Variants in HDGFL2 observed in about 807,000 individuals in gnomAD.
HDGFL2 encodes the protein hepatoma-derived growth factor-related protein 2.
HDGFL2 carries 36 observed loss-of-function variants against 77.1 expected under a neutral mutation model. That is an observed-to-expected ratio of 0.47 (90% CI 0.36 to 0.62). The LOEUF (loss-of-function observed/expected upper bound fraction) is 0.62, where lower values mean the gene tolerates loss of function less well. Among genes scored for constraint, HDGFL2 ranks in the 20% least tolerant of loss-of-function variants. The pLI, the probability that HDGFL2 is intolerant of heterozygous loss-of-function variation, is 0.00. For missense variants in HDGFL2, 976 were observed against 973.4 expected, an observed-to-expected ratio of 1.00 and a Z score of -0.04; for synonymous variants, 463 against 413.1, an observed-to-expected ratio of 1.12 and a Z score of -1.46.
At position 4,498,295 on chromosome 19, in the gene HDGFL2, T is replaced by C. The variant is rs767159013; in HGVS notation, c.1403-11T>C. ...GCCTGGGCCCACACGGTGCTCTCTCTCCTGGCCCAGAGCCCTCCGTGGAGG... is the reference window on the plus strand; with the variant it reads ...GCCTGGGCCCACACGGTGCTCTCTCCCCTGGCCCAGAGCCCTCCGTGGAGG... On this transcript the variant is annotated splice_polypyrimidine_tract_variant and intron_variant, in intron 11 of 15. Coordinates refer to ENST00000616600, the MANE Select transcript of HDGFL2 (RefSeq NM_001001520.3). The C allele has an allele frequency of 6.2e-7, 1 of 1,612,030 alleles. No individual in the cohort carries two copies. Among genetic ancestry groups the C allele is most frequent in the East Asian group, 2.2e-5 (1 of 44,874 alleles).
chr19:4,483,717 T>A (rs1405790840), intron 3 of HDGFL2, among the ~76,000 whole-genome samples: 2 of 151,454 alleles, frequency 1.3e-5, no homozygotes, highest in African/African-American at 4.9e-5. Flanking sequence ...ACACCATGCG[T>A]GCCCCACTCC....
At chr19:4,499,016 C>T in intron 13 of HDGFL2, 101 bp downstream of exon 13, 1 of 809,168 alleles carries the variant, frequency 1.2e-6, no homozygotes, top group Non-Finnish European at 2.0e-6. Context: ...TCGGGACAGC[C>T]CTGGGTCAGC....
intron 9 of HDGFL2, among the ~76,000 whole-genome samples, chr19:4,495,367 C>T (rs1975673697): frequency 8.5e-6 from 1 of 118,012 alleles, no homozygotes. Flanking sequence ...CAGCCTGGGC[C>T]AGAGCGAGAC....
Position 4,498,895 on chromosome 19 carries a change from G to T in HDGFL2, c.1555G>T (p.Val519Leu), listed in dbSNP as rs547104569. The T allele has an allele frequency of 1.4e-5, 23 of 1,610,346 alleles. No homozygotes were observed. The highest frequency in any genetic ancestry group is 2.7e-5 in the African/African-American group (2 of 74,850). ...TCAGATCCTCCAGAAGAACACAGAC[G>T]TGGTGGCCACCTTGAAGAAGGTATG... ...TSQILQKNTD[V>L]VATLKKIRRY... The change falls in exon 13 of 16, where the codon GTG becomes TTG. Residue 519 changes from valine (V) to leucine (L), a missense_variant. Around this residue, in one of 5 missense-constraint regions of HDGFL2, gnomAD observed 46 missense variants for 81.3 expected, o/e 0.57. Coordinates refer to ENST00000616600, the MANE Select transcript of HDGFL2 (RefSeq NM_001001520.3).
Position 4,494,465 on chromosome 19 carries a change from T to C in HDGFL2, c.1214T>C (p.Leu405Pro), listed in dbSNP as rs1452029583. The C allele has an allele frequency of 1.4e-6, 2 of 1,390,054 alleles. No homozygotes were observed. The highest frequency in any genetic ancestry group is 1.9e-6 in the Non-Finnish European group (2 of 1,076,402). 86.1% of individuals were successfully genotyped at this position (1,390,054 alleles called of 1,614,324 possible). The change falls in exon 9 of 16, where the codon CTG (leucine) becomes CCG (proline). Residue 405 changes from leucine to proline, a missense_variant. Around this residue, in one of 5 missense-constraint regions of HDGFL2, gnomAD observed 567 missense variants for 534.7 expected, o/e 1.06. Transcript: ENST00000616600. ...TCTGACTCCGAGCCCGAGGCCGAGC[T>C]GGAGAGAGAGGTGAGCCGGGAGGGC... ...SSSDSEPEAELEREAKKSAKK... is the reference protein window; with the variant it reads ...SSSDSEPEAEPEREAKKSAKK...
At chr19:4,499,408 G>A in intron 13 of HDGFL2, 83 bp from the exon 14 acceptor site, 5 of 1,247,556 alleles carry the variant, frequency 4.0e-6, no homozygotes, top group Non-Finnish European at 4.5e-6. Context: ...TGCGGGAGGG[G>A]CGCATTGCTG....
At chr19:4,499,251 C>T (rs1037756788) in intron 13 of HDGFL2, among the ~76,000 whole-genome samples, 1 of 151,970 alleles carries the variant, frequency 6.6e-6, no homozygotes, top group African/African-American at 2.4e-5. Flanking sequence ...GAGGCTGAGG[C>T]AGGAGAATCG....
chr19:4,494,162 C>A lies in HDGFL2; in HGVS notation c.915-4C>A. The A allele has an allele frequency of 6.7e-7, 1 of 1,492,122 alleles. No homozygotes were observed. The highest frequency in any genetic ancestry group is 8.9e-7 in the Non-Finnish European group (1 of 1,123,386). The allele number at this position is 1,492,122 out of a possible 1,614,324, so 92.4% of individuals were successfully genotyped here. A position where few individuals can be genotyped will look rare whatever the true frequency, so the allele number is the denominator to read the frequency against. ...AGGTCCCCAACCGCCCCCTCCGCCT[C>A]CAGTGACAGCGACGAGGTGGACCGC... On this transcript the variant is annotated splice_polypyrimidine_tract_variant and splice_region_variant and intron_variant, in intron 8 of 15. Coordinates refer to ENST00000616600, the MANE Select transcript of HDGFL2 (RefSeq NM_001001520.3).
Position 4,499,622 on chromosome 19 carries a change from G to T in HDGFL2, c.1707G>T (p.Glu569Asp). The T allele has an allele frequency of 1.3e-6, 2 of 1,599,364 alleles. No homozygotes were observed. The highest frequency in any genetic ancestry group is 2.2e-5 in the South Asian group (2 of 89,322). The change falls in exon 14 of 16, where the codon GAG becomes GAT. Residue 569 changes from glutamate (E) to aspartate (D), a missense_variant. This residue lies in a region of HDGFL2 where 229 missense variants were observed against 187.3 expected (regional missense o/e 1.22). Coordinates refer to ENST00000616600, the MANE Select transcript of HDGFL2 (RefSeq NM_001001520.3). ...QKVNKAGMEK[E>D]KAEEKLAGEE... ...TGAACAAGGCTGGGATGGAGAAGGA[G>T]AAGGCCGAGGAGAAGCTGGCCGGGG...
At chr19:4,498,944 T>C in intron 13 of HDGFL2, 29 bp downstream of exon 13, 4 of 1,504,288 alleles carry the variant, frequency 2.7e-6, no homozygotes, top group Non-Finnish European at 3.6e-6. Flanking sequence ...AGGCGCAGGG[T>C]GCAGTCGGGG....
intron 3 of HDGFL2, among the ~76,000 whole-genome samples, chr19:4,478,337 G>C (rs1975126102): frequency 6.6e-6 from 1 of 151,550 alleles, no homozygotes; most frequent in African/African-American, 2.4e-5. Context: ...CGAGTAGCTG[G>C]GACTATGGGC....
chr19:4,501,334 G>C lies in HDGFL2; in HGVS notation c.1916+17G>C. ...CCTGCACGAGTGAGTGTCCCGGGCC[G>C]TGGGGTTTGGACTCCTGAGCGGCAG... On this transcript the variant is annotated intron_variant, in intron 15 of 15. Transcript: ENST00000616600. 6.4e-7 allele frequency: 1 copy of C among 1,573,800 alleles called. No individual in the cohort carries two copies. The highest frequency in any genetic ancestry group is 8.6e-7 in the Non-Finnish European group (1 of 1,157,674).
At chr19:4,495,827 T>G (rs1355277309) in intron 9 of HDGFL2, among the ~76,000 whole-genome samples, 1 of 152,092 alleles carries the variant, frequency 6.6e-6, no homozygotes, top group Non-Finnish European at 1.5e-5. Context: ...CGTGTGGTGC[T>G]GCGGGCCCTG....
intron 3 of HDGFL2, among the ~76,000 whole-genome samples, chr19:4,476,210 T>C (rs1329661364): frequency 1.8e-5 from 2 of 110,428 alleles, no homozygotes; most frequent in African/African-American, 3.2e-5. Context: ...TTTTTTTTTT[T>C]TGAGACAGAG....
In HDGFL2 at chr19:4,494,323, G is replaced by A; in HGVS notation, c.1072G>A (p.Asp358Asn). 7.0e-7 allele frequency: 1 copy of A among 1,421,638 alleles called. No individual in the cohort carries two copies. The highest frequency in any genetic ancestry group is 9.2e-7 in the Non-Finnish European group (1 of 1,091,682). 88.1% of individuals were successfully genotyped at this position (1,421,638 alleles called of 1,614,324 possible). Residue 358 changes from aspartate (D) to asparagine (N), a missense_variant, in exon 9 of 16, where the codon GAC becomes AAC. By Grantham distance (23) the Asp-to-Asn change is conservative. Transcript: ENST00000616600. ...GAAGGAGCGGAGGCGCGAGCGGGCC[G>A]ACCGCGGGGAGGCTGAGCGGGGCAG... Reference protein sequence around the residue: ...EEKERRRERADRGEAERGSGG... With the variant: ...EEKERRRERANRGEAERGSGG...
At chr19:4,486,156 C>G (rs868422363) in intron 3 of HDGFL2, among the ~76,000 whole-genome samples, 8 of 151,816 alleles carry the variant, frequency 5.3e-5, no homozygotes, top group Middle Eastern at 3.2e-3. Context: ...ATCACTCGGT[C>G]AGGTGTTCCA....
At chr19:4,495,385 CAAAAAAAAA>C (rs747305046) in intron 9 of HDGFL2, among the ~76,000 whole-genome samples, 2 of 54,234 alleles carry the variant, frequency 3.7e-5, no homozygotes. Context: ...GACTCCATCT[CAAAAAAAAA>C]AAAAAAAAAA....
In HDGFL2 at chr19:4,472,341, C is replaced by G; in HGVS notation, c.-10C>G. 6 of 1,516,726 alleles carry G rather than the reference C, an allele frequency of 4.0e-6. No individual in the cohort carries two copies. Among genetic ancestry groups the G allele is most frequent in the Non-Finnish European group, 5.3e-6 (6 of 1,134,112 alleles). 94.0% of individuals were successfully genotyped at this position (1,516,726 alleles called of 1,614,324 possible). On this transcript the variant is annotated 5_prime_UTR_variant, in exon 1 of 16. Transcript: ENST00000616600. ...GCCGCTTTCCGCGGCCTGGGCCTCT[C>G]GCCGTCAGCATGCCACACGCCTTCA...
chr19:4,501,283 G>T lies in HDGFL2; in HGVS notation c.1882G>T (p.Gly628Trp). ...CGAGGAGGGTCGGGACTCGGAGGAG[G>T]GGCCAAGGTGTGGCTCCTCTGAAGA... ...EHEEGRDSEE[G>W]PRCGSSEDLH... The change falls in exon 15 of 16, where the codon GGG (glycine) becomes TGG (tryptophan). Residue 628 changes from glycine (G) to tryptophan (W), a missense_variant. Physicochemically the swap from Gly to Trp is radical, Grantham distance 184. Coordinates refer to ENST00000616600, the MANE Select transcript of HDGFL2 (RefSeq NM_001001520.3). 1.2e-6 allele frequency: 2 copies of T among 1,610,486 alleles called. No individual in the cohort carries two copies. Among genetic ancestry groups the T allele is most frequent in the Non-Finnish European group, 1.7e-6 (2 of 1,178,002 alleles).
Sources: gnomAD v4.1 joint callset for allele counts (sites outside exome capture counted in the v4.1 genomes callset) on GRCh38, gnomAD v4.1.1 for gene constraint, gnomAD v4.1.1 regional missense constraint, MANE v1.5 for transcripts, NCBI Gene and HGNC (gene_info 2026-07-23, HGNC 2026-07-21) for gene names.